Variants in ZMYND11 observed in about 807,000 individuals in gnomAD.
ZMYND11 encodes zinc finger MYND-type containing 11.
ZMYND11 carries 9 observed loss-of-function variants against 84.9 expected under a neutral mutation model. The ratio of observed to expected loss-of-function variants is 0.11; its 90% CI spans 0.06 to 0.18. The LOEUF (loss-of-function observed/expected upper bound fraction) is 0.18. Among genes scored for constraint, ZMYND11 ranks in the 10% least tolerant of loss-of-function variants. ZMYND11 has a pLI of 1.00. For synonymous variants in ZMYND11, 250 were observed against 244.1 expected (o/e 1.02, Z -0.23); for missense variants, 409 against 761.0 (o/e 0.54, Z 5.44).
chr10:195,261 CAG>C (rs1489391299), intron 2 of ZMYND11, among the ~76,000 whole-genome samples: 2 of 152,108 alleles, frequency 1.3e-5, no homozygotes, highest in Admixed American at 6.5e-5. Context: ...AAGAAGTTCT[CAG>C]TGGCTAACGT....
intron 6 of ZMYND11, among the ~76,000 whole-genome samples, chr10:238,641 C>A (rs1417651204): frequency 5.9e-5 from 9 of 152,190 alleles, no homozygotes; most frequent in Non-Finnish European, 1.3e-4. Flanking sequence ...CAGGCGTGAG[C>A]CACCGCGCCC....
At chr10:215,995 A>G (rs1946144848) in intron 3 of ZMYND11, among the ~76,000 whole-genome samples, 1 of 152,222 alleles carries the variant, frequency 6.6e-6, no homozygotes, top group South Asian at 2.1e-4. Context: ...GGGGATAAAC[A>G]AGCTTAAATC....
intron 8 of ZMYND11, 75 bp downstream of exon 8, chr10:240,186 AC>A (rs1950634094): frequency 7.9e-7 from 1 of 1,267,486 alleles, no homozygotes; most frequent in Non-Finnish European, 1.1e-6. Flanking sequence ...ACTCTTATCT[AC>A]ATTTTAGTTG....
chr10:177,871 G>A, intron 1 of ZMYND11, among the ~76,000 whole-genome samples: 1 of 152,088 alleles, frequency 6.6e-6, no homozygotes, highest in South Asian at 2.1e-4. Context: ...TAAAATATAG[G>A]AAATTTATAA....
chr10:239,590 C>G (rs1648619446), intron 7 of ZMYND11, 65 bp downstream of exon 7: 2 of 1,108,400 alleles, frequency 1.8e-6, no homozygotes, highest in Admixed American at 3.8e-5. Flanking sequence ...ATGTTGAACA[C>G]TATCTTTTAT....
chr10:230,870 G>A (rs1589129577), intron 4 of ZMYND11, among the ~76,000 whole-genome samples: 1 of 152,138 alleles, frequency 6.6e-6, no homozygotes, highest in African/African-American at 2.4e-5. Flanking sequence ...CGTATCGAAC[G>A]TTTACTGTGT....
chr10:228,703 C>T (rs1948525488), intron 4 of ZMYND11, among the ~76,000 whole-genome samples: 2 of 152,320 alleles, frequency 1.3e-5, no homozygotes, highest in South Asian at 4.1e-4. Flanking sequence ...CATTCTGCCT[C>T]TGCCGTTCAG....
rs1589330227 is a variant in ZMYND11 at position 252,043 on chromosome 10, G to A, written c.1687-305G>A. Among the ~76,000 whole-genome samples, 3 of 152,142 alleles carry A rather than the reference G, an allele frequency of 2.0e-5. No homozygotes were observed. In the East Asian group the frequency reaches 5.8e-4, roughly 29 times the overall value. On this transcript the variant is annotated intron_variant, in intron 14 of 14. Transcript: ENST00000381604. This position sits in a 1 kb window ranked among gnomAD's most constrained non-coding sequence, Gnocchi z 4.6. ...GAGCAGAGAAATGCAAGTGGTAGCT[G>A]GAAAGGGATGTGAAGTCAAGAGCAT...
chr10:165,267 A>G (rs1266813943), intron 1 of ZMYND11, among the ~76,000 whole-genome samples: 2 of 152,026 alleles, frequency 1.3e-5, no homozygotes, highest in East Asian at 3.9e-4. Flanking sequence ...AATATTCTGT[A>G]CTTTCTGAAA....
At chr10:250,779 G>C (rs1444327281) in intron 14 of ZMYND11, among the ~76,000 whole-genome samples, 1 of 152,148 alleles carries the variant, frequency 6.6e-6, no homozygotes, top group Non-Finnish European at 1.5e-5. Flanking sequence ...GCTCACACCT[G>C]TAATTCCAGC....
intron 2 of ZMYND11, among the ~76,000 whole-genome samples, chr10:201,607 T>TTA (rs66867391): frequency 0.22 from 7,852 of 34,988 alleles, 283 homozygotes; most frequent in East Asian, 0.37. Context: ...CACACACACA[T>TTA]TATATATATA....
rs1952983104 is a variant in ZMYND11, at chr10:249,820, A to AT, written c.1686+733dup. ...TTCTTCATTTTATCAAGCCTATATT[A>AT]TATAAATACACATAAGCTTTTCATG... is the stretch of plus-strand genomic sequence containing the variant. On this transcript the variant is annotated intron_variant, in intron 14 of 14. Transcript: ENST00000381604. 3 of 924,636 alleles carry AT rather than the reference A, an allele frequency of 3.2e-6. No homozygotes were observed. In the African/African-American group the frequency reaches 5.4e-5, roughly 17 times the overall value. 57.3% of individuals were successfully genotyped at this position (924,636 alleles called of 1,614,324 possible). A position where few individuals can be genotyped will look rare whatever the true frequency, so the allele number is the denominator to read the frequency against.
Position 249,044 on chromosome 10 carries a change from A to G in ZMYND11, c.1642A>G (p.Thr548Ala). The change falls in exon 14 of 15, where the codon ACA becomes GCA. Residue 548 changes from threonine (T) to alanine (A), a missense_variant. Transcript: ENST00000381604. ...EFVEEIKKLA[T>A]QHKQLISQTK... ...TGTAGAAGAAATCAAGAAGCTGGCA[A>G]CACAGCACAAGCAACTGATTTCTCA... The G allele has an allele frequency of 6.2e-7, 1 of 1,614,226 alleles. No individual in the cohort carries two copies. Among genetic ancestry groups the G allele is most frequent in the Non-Finnish European group, 8.5e-7 (1 of 1,180,022 alleles).
Position 200,205 on chromosome 10 carries a change from G to GGTGTGTGTGTGT in ZMYND11, c.117-9675_117-9664dup, listed in dbSNP as rs71374347. ...GACATGTGCTGCCATGCCTGGCTAG[G>GGTGTGTGTGTGT]GTGTGTGTGTGTGTGTGTGTATAAT... On this transcript the variant is annotated intron_variant, in intron 2 of 14. Coordinates refer to ENST00000381604, the MANE Select transcript of ZMYND11 (RefSeq NM_001370100.5). Among the ~76,000 whole-genome samples, 322 of 132,416 alleles carry GGTGTGTGTGTGT rather than the reference G, an allele frequency of 2.4e-3. 2 individuals carry two copies. The highest frequency in any genetic ancestry group is 4.3e-3 in the Admixed American group (51 of 11,826). The allele number at this position is 132,416 out of a possible 152,430, so 86.9% of individuals were successfully genotyped here.
At chr10:207,641 A>G (rs927422695) in intron 2 of ZMYND11, among the ~76,000 whole-genome samples, 1 of 152,220 alleles carries the variant, frequency 6.6e-6, no homozygotes, top group East Asian at 1.9e-4. Context: ...TCAATGAAAT[A>G]AAAGAGGATA....
intron 10 of ZMYND11, among the ~76,000 whole-genome samples, chr10:244,898 A>G (rs1036658866): frequency 6.6e-6 from 1 of 152,268 alleles, no homozygotes; most frequent in Admixed American, 6.5e-5. Flanking sequence ...TTTAAGATAA[A>G]TAAGGAAAAT....
At position 240,884 on chromosome 10, in the gene ZMYND11, C is replaced by A. The variant is rs762084012; in HGVS notation, c.754-9C>A. On this transcript the variant is annotated splice_polypyrimidine_tract_variant and intron_variant, in intron 8 of 14. Transcript: ENST00000381604. ...TATGTAGGCTAAAGTAGTTTCTTTT[C>A]TTTTTCAGCTGGATGAACTGCAGCT... 6 of 1,609,634 alleles carry A rather than the reference C, an allele frequency of 3.7e-6. No individual in the cohort carries two copies. Among genetic ancestry groups the A allele is most frequent in the Non-Finnish European group, 5.1e-6 (6 of 1,178,262 alleles).
rs140837034 is a variant in ZMYND11, at chr10:146,703, C to T, written c.-20+11144C>T. Among the ~76,000 whole-genome samples the T allele has an allele frequency of 5.3e-5, 8 of 152,296 alleles. No individual in the cohort carries two copies. In the East Asian group the frequency reaches 1.4e-3, roughly 26 times the overall value. On this transcript the variant is annotated intron_variant, in intron 1 of 14. Coordinates refer to ENST00000381604, the MANE Select transcript of ZMYND11 (RefSeq NM_001370100.5). ...TGATATGGTTTGGCCATGTCCCCTC[C>T]GAAAATCTCATCTTGAATTGTAGCT...
intron 1 of ZMYND11, among the ~76,000 whole-genome samples, chr10:143,146 T>C (rs1308720732): frequency 4.6e-5 from 7 of 152,214 alleles, no homozygotes; most frequent in Admixed American, 4.6e-4. Flanking sequence ...TGCTAAGGCT[T>C]CAGCATTCCA....
Sources: allele counts gnomAD v4.1 joint callset (sites outside exome capture counted in the v4.1 genomes callset), GRCh38; gene constraint gnomAD v4.1.1; non-coding constraint Gnocchi (gnomAD v3.1); transcripts MANE v1.5; gene names NCBI Gene and HGNC (gene_info 2026-07-23, HGNC 2026-07-21).